The following SH3TC2 variants were observed in gnomAD, a reference collection of about 807,000 sequenced individuals.
The protein encoded by SH3TC2 is SH3 domain and tetratricopeptide repeat-containing protein 2.
Under a neutral mutation model 124.5 loss-of-function variants are expected in SH3TC2, and 87 were observed. That is an observed-to-expected ratio of 0.70 (90% CI 0.59 to 0.84). The LOEUF (loss-of-function observed/expected upper bound fraction) is 0.84. SH3TC2 is among the 40% of genes least tolerant of loss of function. The probability of loss-of-function intolerance (pLI) is 0.00; values close to 1 mark genes in which losing one functional copy is unlikely to be tolerated. For synonymous variants in SH3TC2, 634 were observed against 628.5 expected (o/e 1.01, Z -0.13); for missense variants, 1,536 against 1,566.4 (o/e 0.98, Z 0.33).
In SH3TC2 at chr5:149,007,060, G is replaced by A. The variant is rs144633235; in HGVS notation, c.3496C>T (p.Leu1166=). Residue 1166 remains leucine (L), a synonymous_variant, in exon 16 of 17, where the codon CTG becomes TTG. Transcript: ENST00000515425. The part of the protein sequence containing the change: ...STVTGDQRQE[L]VAFHRLATVY... ...GTAGCCAGGCGGTGAAAGGCCACCA[G>A]CTCTTGCCTCTGATCTCCTAAGAAT... 2 of 1,614,196 alleles carry A rather than the reference G, an allele frequency of 1.2e-6. No individual in the cohort carries two copies. Among genetic ancestry groups the A allele is most frequent in the Non-Finnish European group, 1.7e-6 (2 of 1,180,034 alleles).
Position 148,998,835 on chromosome 5 carries a change from G to A in SH3TC2, c.*5876C>T, listed in dbSNP as rs1753551468. ...CCATCCTCAAGTCCCCTGAGTTCTGGAATAATCAGACAGAGTTGGGAGAGT... is the reference window on the plus strand; with the variant it reads ...CCATCCTCAAGTCCCCTGAGTTCTGAAATAATCAGACAGAGTTGGGAGAGT... On this transcript the variant is annotated 3_prime_UTR_variant, in exon 17 of 17. Transcript: ENST00000515425. Among the ~76,000 whole-genome samples the A allele has an allele frequency of 6.6e-6, 1 of 152,138 alleles. No homozygotes were observed. The highest frequency in any genetic ancestry group is 2.4e-5 in the African/African-American group (1 of 41,444).
chr5:149,041,256 G>T (rs1197337600), intron 6 of SH3TC2, among the ~76,000 whole-genome samples, 160 bp downstream of exon 6: 1 of 152,142 alleles, frequency 6.6e-6, no homozygotes, highest in Non-Finnish European at 1.5e-5. Flanking sequence ...ATTCTTGGTT[G>T]TTAAAAAAGA....
intron 4 of SH3TC2, among the ~76,000 whole-genome samples, chr5:149,043,348 A>T (rs1359055075): frequency 6.6e-6 from 1 of 152,142 alleles, no homozygotes; most frequent in East Asian, 1.9e-4. Flanking sequence ...TGCCCAGAAG[A>T]TCTCTCTGGT....
intron 7 of SH3TC2, among the ~76,000 whole-genome samples, chr5:149,038,985 G>A (rs919056123): frequency 6.6e-6 from 1 of 152,174 alleles, no homozygotes; most frequent in Non-Finnish European, 1.5e-5. Context: ...CTGGAAAATG[G>A]GGATAATAGG....
chr5:149,052,034 C>T, intron 2 of SH3TC2, 108 bp downstream of exon 2: 1 of 836,618 alleles, frequency 1.2e-6, no homozygotes, highest in Non-Finnish European at 2.1e-6. Context: ...TAGTCAAAAT[C>T]TTTTCATCAA....
At chr5:149,013,181 A>G (rs1363627048) in intron 12 of SH3TC2, among the ~76,000 whole-genome samples, 2 of 152,004 alleles carry the variant, frequency 1.3e-5, no homozygotes, top group Admixed American at 6.5e-5. Context: ...CCTAAATCTC[A>G]TCTTGAATTG....
At chr5:149,023,583 C>CTTTTTTTTTTTTTTTTTTTTTTTT (rs5872108) in intron 12 of SH3TC2, among the ~76,000 whole-genome samples, 1 of 107,246 alleles carries the variant, frequency 9.3e-6, no homozygotes, top group South Asian at 3.1e-4. Context: ...TAGTGTAATC[C>CTTTTTTTTTTTTTTTTTTTTTTTT]TTTTTTTTTT....
chr5:149,000,307 TC>T lies in SH3TC2; in HGVS notation c.*4403del, dbSNP rs1753577067. On this transcript the variant is annotated 3_prime_UTR_variant, in exon 17 of 17. Coordinates refer to ENST00000515425, the MANE Select transcript of SH3TC2 (RefSeq NM_024577.4). ...TCCTCTTCCCTGCTTACTCCATTTC[TC>T]TGAGTGTGCAAGGAAAAAGTGGTTG... Among the ~76,000 whole-genome samples, 1 of 152,194 alleles carries T rather than the reference TC, an allele frequency of 6.6e-6. No homozygotes were observed. Among genetic ancestry groups the T allele is most frequent in the Non-Finnish European group, 1.5e-5 (1 of 68,042 alleles).
intron 16 of SH3TC2, among the ~76,000 whole-genome samples, chr5:149,005,383 G>A (rs1241040060): frequency 4.6e-5 from 7 of 152,242 alleles, no homozygotes; most frequent in Admixed American, 6.5e-5. Context: ...ACAATGAGAG[G>A]TGGGGAAATC....
chr5:149,029,637 G>A (rs1235641437), intron 9 of SH3TC2, among the ~76,000 whole-genome samples: 4 of 152,132 alleles, frequency 2.6e-5, no homozygotes, highest in Non-Finnish European at 5.9e-5. Flanking sequence ...CCAGTAGCCA[G>A]TGAGGGAGAC....
chr5:149,047,115 C>T (rs1754476366), intron 3 of SH3TC2: 1 of 152,206 alleles, frequency 6.6e-6, no homozygotes, highest in Admixed American at 6.5e-5. Context: ...TTTAGTTCTC[C>T]TACTTAATAC....
rs925820414 is a variant in SH3TC2 at position 148,988,562 on chromosome 5, G to A, written c.*16149C>T. ...TAAGACGGCCAAGCCACATGGAGTC[G>A]ACATGGCTCACGGCTCCAGTTGATC... On this transcript the variant is annotated 3_prime_UTR_variant, in exon 17 of 17. Transcript: ENST00000515425. Among the ~76,000 whole-genome samples, 7 of 152,244 alleles carry A rather than the reference G, an allele frequency of 4.6e-5. No homozygotes were observed. Among genetic ancestry groups the A allele is most frequent in the South Asian group, 2.1e-4 (1 of 4,824 alleles).
At chr5:149,057,319 T>C (rs1055499266) in intron 1 of SH3TC2, among the ~76,000 whole-genome samples, 2 of 152,216 alleles carry the variant, frequency 1.3e-5, no homozygotes, top group Non-Finnish European at 2.9e-5. Flanking sequence ...ATTGGGAACA[T>C]TTCCATACGC....
chr5:148,993,554 A>T lies in SH3TC2; in HGVS notation c.*11157T>A, dbSNP rs1561751770. ...TATTGGTGTTTTTAATGTTGTAGTT[A>T]TAAGCATGGAGTCAAAACACCCTCA... is the stretch of plus-strand genomic sequence containing the variant. On this transcript the variant is annotated 3_prime_UTR_variant, in exon 17 of 17. Transcript: ENST00000515425. Among the ~76,000 whole-genome samples, 2 of 152,244 alleles carry T rather than the reference A, an allele frequency of 1.3e-5. No homozygotes were observed. Among genetic ancestry groups the T allele is most frequent in the Non-Finnish European group, 2.9e-5 (2 of 68,034 alleles).
chr5:149,043,701 G>T (rs1754410409), intron 4 of SH3TC2: 1 of 150,842 alleles, frequency 6.6e-6, no homozygotes, highest in Non-Finnish European at 1.5e-5. Flanking sequence ...GGTCTATGGA[G>T]CACAGTTTGA....
At chr5:149,041,286 TA>T in intron 6 of SH3TC2, 129 bp downstream of exon 6, 2 of 936,640 alleles carry the variant, frequency 2.1e-6, no homozygotes, top group Non-Finnish European at 3.3e-6. Flanking sequence ...GACAGAAAGA[TA>T]AAGACCCACC....
intron 13 of SH3TC2, among the ~76,000 whole-genome samples, chr5:149,010,877 A>T (rs1753773225): frequency 6.6e-6 from 1 of 152,228 alleles, no homozygotes; most frequent in Non-Finnish European, 1.5e-5. Flanking sequence ...AAAAATAGTG[A>T]TCCACTTCAA....
chr5:149,013,691 T>C (rs866243202), intron 12 of SH3TC2, among the ~76,000 whole-genome samples: 11 of 152,254 alleles, frequency 7.2e-5, no homozygotes, highest in Middle Eastern at 3.4e-3. Context: ...TAGAAAACTC[T>C]CCCTCCATGT....
rs760274954 is a variant in SH3TC2 at position 149,052,246 on chromosome 5, G to A, written c.53-6C>T. 1.6e-5 allele frequency: 26 copies of A among 1,592,048 alleles called. No homozygotes were observed. The African/African-American group carries it at 3.5e-4, about 21-fold the overall frequency. ...CTTGGAAGGAGTTTCTTTACCTGGA[G>A]AAGATGAAATAAAAGGTCATCTTAA... On this transcript the variant is annotated splice_region_variant and splice_polypyrimidine_tract_variant and intron_variant, in intron 1 of 16. Coordinates refer to ENST00000515425, the MANE Select transcript of SH3TC2 (RefSeq NM_024577.4).
Sources: gnomAD v4.1 joint callset for allele counts (sites outside exome capture counted in the v4.1 genomes callset) on GRCh38, gnomAD v4.1.1 for gene constraint, MANE v1.5 for transcripts, NCBI Gene and HGNC (gene_info 2026-07-23, HGNC 2026-07-21) for gene names.